The following BARX2 variants were observed in gnomAD, a reference collection of about 807,000 sequenced individuals.
The protein encoded by BARX2 is BARX homeobox 2.
BARX2 carries 11 observed loss-of-function variants against 25.5 expected under a neutral mutation model. That is an observed-to-expected ratio of 0.43 (90% CI 0.27 to 0.71). The LOEUF is 0.71. Among genes scored for constraint, BARX2 ranks in the 30% least tolerant of loss-of-function variants. The pLI, the probability that BARX2 is intolerant of heterozygous loss-of-function variation, is 0.19. For synonymous variants in BARX2, 137 were observed against 149.5 expected (o/e 0.92, Z 0.61); for missense variants, 360 against 359.9 (o/e 1.00, Z 0.00).
At chr11:129,410,775 T>C (rs1156864759) in intron 1 of BARX2, among the ~76,000 whole-genome samples, 1 of 152,148 alleles carries the variant, frequency 6.6e-6, no homozygotes, top group Non-Finnish European at 1.5e-5. Flanking sequence ...CTTCTGGGAT[T>C]GAGAGGGTTG....
chr11:129,402,230 G>A (rs1861784050), intron 1 of BARX2, among the ~76,000 whole-genome samples: 1 of 151,936 alleles, frequency 6.6e-6, no homozygotes, highest in African/African-American at 2.4e-5. Context: ...CAGCTTTGGG[G>A]GCACAGACCT....
At chr11:129,393,762 T>G (rs1861690817) in intron 1 of BARX2, among the ~76,000 whole-genome samples, 1 of 152,170 alleles carries the variant, frequency 6.6e-6, no homozygotes, top group Non-Finnish European at 1.5e-5. Context: ...ATAAAAAGAA[T>G]AGTAATACAA....
At chr11:129,382,399 G>A (rs995475379) in intron 1 of BARX2, among the ~76,000 whole-genome samples, 2 of 152,062 alleles carry the variant, frequency 1.3e-5, no homozygotes, top group African/African-American at 4.8e-5. Context: ...GGCTGGTCTC[G>A]AACTTCTGAC....
At chr11:129,401,849 C>T (rs1403632147) in intron 1 of BARX2, among the ~76,000 whole-genome samples, 1 of 151,606 alleles carries the variant, frequency 6.6e-6, no homozygotes, top group Non-Finnish European at 1.5e-5. Flanking sequence ...CCAGCTACTT[C>T]AGAGGCTGAG....
At chr11:129,399,414 A>T (rs1288616480) in intron 1 of BARX2, among the ~76,000 whole-genome samples, 1 of 152,014 alleles carries the variant, frequency 6.6e-6, no homozygotes, top group Non-Finnish European at 1.5e-5. Flanking sequence ...TTTAAACAAG[A>T]TGAGGTCTCA....
At chr11:129,437,885 G>A (rs1862210838) in intron 2 of BARX2, 1 of 152,168 alleles carries the variant, frequency 6.6e-6, no homozygotes, top group African/African-American at 2.4e-5. Context: ...TATGAGCCAG[G>A]TGTGATGGCA....
At chr11:129,381,341 A>T (rs1861561779) in intron 1 of BARX2, among the ~76,000 whole-genome samples, 1 of 152,168 alleles carries the variant, frequency 6.6e-6, no homozygotes, top group African/African-American at 2.4e-5. Flanking sequence ...AATCCCTCTC[A>T]ACTACTTGTA....
chr11:129,414,461 C>T (rs1158637047), intron 1 of BARX2, among the ~76,000 whole-genome samples: 3 of 152,064 alleles, frequency 2.0e-5, no homozygotes, highest in Admixed American at 1.3e-4. Context: ...TTTCCCGTTC[C>T]CCTGCCTTCT....
intron 1 of BARX2, among the ~76,000 whole-genome samples, chr11:129,426,662 C>A (rs1862067065): frequency 6.6e-6 from 1 of 152,178 alleles, no homozygotes; most frequent in African/African-American, 2.4e-5. Flanking sequence ...TAGGCGTGAG[C>A]CACCACACCT....
rs983127334 is a variant in BARX2 at position 129,432,259 on chromosome 11, G to A, written c.188-4492G>A. Among the ~76,000 whole-genome samples, 5 of 151,970 alleles carry A rather than the reference G, an allele frequency of 3.3e-5. No homozygotes were observed. The South Asian group carries it at 6.3e-4, about 19-fold the overall frequency. On this transcript the variant is annotated intron_variant, in intron 1 of 3. Coordinates refer to ENST00000281437, the MANE Select transcript of BARX2 (RefSeq NM_003658.5). ...GTATTTCTAGTAAAGACGGGCTTTCGTCATATTGGCCAGGCTTGTCTCGAA... is the reference window on the plus strand; with the variant it reads ...GTATTTCTAGTAAAGACGGGCTTTCATCATATTGGCCAGGCTTGTCTCGAA...
intron 1 of BARX2, among the ~76,000 whole-genome samples, chr11:129,403,861 A>T (rs533242697): frequency 6.6e-6 from 1 of 152,210 alleles, no homozygotes; most frequent in East Asian, 1.9e-4. Context: ...GATAGATGGG[A>T]CTACAGATGT....
intron 1 of BARX2, among the ~76,000 whole-genome samples, chr11:129,404,015 G>A (rs571179020): frequency 3.3e-4 from 50 of 152,196 alleles, no homozygotes; most frequent in Non-Finnish European, 6.2e-4. Flanking sequence ...TTGGAGTCCT[G>A]CACTGGAAAT....
intron 1 of BARX2, among the ~76,000 whole-genome samples, chr11:129,423,595 A>T (rs1225274767): frequency 6.6e-6 from 1 of 152,180 alleles, no homozygotes; most frequent in East Asian, 1.9e-4. Flanking sequence ...CCAGGGCTAT[A>T]GTCCACTTCC....
chr11:129,436,112 T>C lies in BARX2; in HGVS notation c.188-639T>C, dbSNP rs1233717182. ...TGTGATTCATGATGTGCTGATAGCATGGGACTTCAAGTCAGAAGAACTTGG... is the reference window on the plus strand; with the variant it reads ...TGTGATTCATGATGTGCTGATAGCACGGGACTTCAAGTCAGAAGAACTTGG... On this transcript the variant is annotated intron_variant, in intron 1 of 3. Transcript: ENST00000281437. The surrounding 1 kb of genome is among the most constrained non-coding windows in gnomAD (Gnocchi z 4.5). 1.3e-5 allele frequency: 2 copies of C among 152,246 alleles called. No homozygotes were observed. The highest frequency in any genetic ancestry group is 6.5e-5 in the Admixed American group (1 of 15,282). The allele number at this position is 152,246 out of a possible 1,614,324, so 9.4% of individuals were successfully genotyped here.
intron 1 of BARX2, among the ~76,000 whole-genome samples, chr11:129,391,246 G>A (rs906356291): frequency 2.0e-5 from 3 of 152,124 alleles, no homozygotes; most frequent in African/African-American, 7.2e-5. Flanking sequence ...CGTAAACCGA[G>A]GAAAAGAAAT....
At chr11:129,397,179 G>A (rs1461199204) in intron 1 of BARX2, among the ~76,000 whole-genome samples, 1 of 151,818 alleles carries the variant, frequency 6.6e-6, no homozygotes, top group Non-Finnish European at 1.5e-5. Flanking sequence ...AGCTCCTTGG[G>A]AGGCTAAATG....
chr11:129,443,393 CTT>C (rs1444135202), intron 3 of BARX2, among the ~76,000 whole-genome samples: 2 of 152,104 alleles, frequency 1.3e-5, no homozygotes, highest in African/African-American at 2.4e-5. Context: ...AGTCAGTACT[CTT>C]TGTTTATAAT....
At chr11:129,450,496 T>G (rs1325946205) in intron 3 of BARX2, among the ~76,000 whole-genome samples, 1 of 152,228 alleles carries the variant, frequency 6.6e-6, no homozygotes, top group East Asian at 1.9e-4. Context: ...ATAGTAATTG[T>G]AATGGTTGTC....
intron 1 of BARX2, among the ~76,000 whole-genome samples, chr11:129,400,704 C>T (rs973255118): frequency 6.6e-6 from 1 of 152,070 alleles, no homozygotes; most frequent in Admixed American, 6.6e-5. Context: ...TGGAGGATGA[C>T]GTTGACAGGG....
Sources: allele counts gnomAD v4.1 joint callset (sites outside exome capture counted in the v4.1 genomes callset), GRCh38; gene constraint gnomAD v4.1.1; non-coding constraint Gnocchi (gnomAD v3.1); transcripts MANE v1.5; gene names NCBI Gene and HGNC (gene_info 2026-07-23, HGNC 2026-07-21).